The following TMEM38B variants were observed in gnomAD, a reference collection of about 807,000 sequenced individuals.
TMEM38B encodes the protein trimeric intracellular cation channel type B.
TMEM38B carries 24 observed loss-of-function variants against 28.7 expected under a neutral mutation model. The ratio of observed to expected loss-of-function variants is 0.84; its 90% CI spans 0.61 to 1.18. The LOEUF (loss-of-function observed/expected upper bound fraction) is 1.18, where lower values mean the gene tolerates loss of function less well. Among genes scored for constraint, TMEM38B ranks in the 50% most tolerant of loss-of-function variants. TMEM38B has a pLI of 0.00. For missense variants in TMEM38B, 380 were observed against 350.9 expected (o/e 1.08, Z -0.66); for synonymous variants, 131 against 127.7 (o/e 1.03, Z -0.17).
intron 2 of TMEM38B, among the ~76,000 whole-genome samples, chr9:105,711,778 C>T (rs1389548978): frequency 7.9e-5 from 12 of 151,416 alleles, no homozygotes; most frequent in African/African-American, 2.7e-4. Context: ...TGTGATTGCA[C>T]CACTGCACTC....
Position 105,722,591 on chromosome 9 carries a change from C to G in TMEM38B, c.512C>G (p.Pro171Arg). 1 of 1,613,524 alleles carries G rather than the reference C, an allele frequency of 6.2e-7. No individual in the cohort carries two copies. The highest frequency in any genetic ancestry group is 8.5e-7 in the Non-Finnish European group (1 of 1,179,724). Residue 171 changes from proline (P) to arginine (R), a missense_variant, in exon 4 of 6, where the codon CCA (proline) becomes CGA (arginine). Transcript: ENST00000374692. Reference protein sequence around the residue: ...FERLVKGDWKPEGDEWLKMSY... With the variant: ...FERLVKGDWKREGDEWLKMSY... ...AGGTTGGTAAAAGGAGATTGGAAAC[C>G]AGAAGGTGATGAATGGCTGAAGATG... is the stretch of plus-strand genomic sequence containing the variant.
intron 5 of TMEM38B, among the ~76,000 whole-genome samples, chr9:105,762,854 A>G (rs1166405444): frequency 6.8e-6 from 1 of 147,788 alleles, no homozygotes. Flanking sequence ...CAATGGTTGA[A>G]CTAGTTTACA....
At chr9:105,753,356 CAT>C (rs1214246962) in intron 5 of TMEM38B, among the ~76,000 whole-genome samples, 1 of 152,078 alleles carries the variant, frequency 6.6e-6, no homozygotes, top group Admixed American at 6.6e-5. Context: ...CCCCAAGACA[CAT>C]AATCATCAGA....
At chr9:105,707,852 G>A (rs1192512939) in intron 2 of TMEM38B, among the ~76,000 whole-genome samples, 3 of 152,146 alleles carry the variant, frequency 2.0e-5, no homozygotes, top group Non-Finnish European at 4.4e-5. Flanking sequence ...ATCTCTTAAA[G>A]TGTAGTCTTC....
At chr9:105,718,824 T>C (rs1325529490) in intron 2 of TMEM38B, among the ~76,000 whole-genome samples, 1 of 152,238 alleles carries the variant, frequency 6.6e-6, no homozygotes, top group African/African-American at 2.4e-5. Flanking sequence ...CAATTACTTA[T>C]ATATGGCACA....
intron 1 of TMEM38B, among the ~76,000 whole-genome samples, chr9:105,704,345 C>T (rs563368083): frequency 2.0e-4 from 30 of 151,936 alleles, no homozygotes; most frequent in African/African-American, 7.0e-4. Flanking sequence ...TGCTGTGAGC[C>T]GAGATCACTC....
chr9:105,766,324 A>G (rs997680612), intron 5 of TMEM38B, among the ~76,000 whole-genome samples: 1 of 152,196 alleles, frequency 6.6e-6, no homozygotes, highest in South Asian at 2.1e-4. Flanking sequence ...ATGAAGTGAT[A>G]TCGCATTATA....
At chr9:105,771,227 A>G (rs888913292) in intron 5 of TMEM38B, among the ~76,000 whole-genome samples, 20 of 152,188 alleles carry the variant, frequency 1.3e-4, no homozygotes, top group African/African-American at 4.3e-4. Context: ...ATAAGGAGAC[A>G]GTTTTATATT....
intron 2 of TMEM38B, among the ~76,000 whole-genome samples, chr9:105,719,235 G>A (rs576870322): frequency 5.9e-5 from 9 of 152,058 alleles, no homozygotes; most frequent in Non-Finnish European, 1.0e-4. Flanking sequence ...TTATTCTTTC[G>A]TTATTTTTTC....
At chr9:105,759,513 T>G in intron 5 of TMEM38B, 1 of 1,581,520 alleles carries the variant, frequency 6.3e-7, no homozygotes, top group Admixed American at 1.7e-5. Flanking sequence ...GAGGAAGCTG[T>G]CATAATTTAA....
chr9:105,755,383 G>GT (rs1265807468), intron 5 of TMEM38B, among the ~76,000 whole-genome samples: 1 of 152,140 alleles, frequency 6.6e-6, no homozygotes, highest in Non-Finnish European at 1.5e-5. Context: ...CTGTGCAGCA[G>GT]TCCATCATGA....
intron 4 of TMEM38B, among the ~76,000 whole-genome samples, chr9:105,730,539 GT>G (rs1204152922): frequency 2.0e-5 from 3 of 152,064 alleles, no homozygotes; most frequent in Non-Finnish European, 4.4e-5. Context: ...CTCTTTATTC[GT>G]TGTTGCCAGG....
chr9:105,755,971 C>T (rs1288388873), intron 5 of TMEM38B, among the ~76,000 whole-genome samples: 1 of 152,118 alleles, frequency 6.6e-6, no homozygotes, highest in Non-Finnish European at 1.5e-5. Context: ...TGGATCATGC[C>T]TGTAATCCTA....
chr9:105,748,932 T>C lies in TMEM38B; in HGVS notation c.660+742T>C, dbSNP rs189827701. 1,802 of 443,574 alleles carry C rather than the reference T, an allele frequency of 4.1e-3. 6 individuals are homozygous for C. Among genetic ancestry groups the C allele is most frequent in the Admixed American group, 6.0e-3 (139 of 23,138 alleles). The allele number at this position is 443,574 out of a possible 1,614,324, so 27.5% of individuals were successfully genotyped here. A position where few individuals can be genotyped will look rare whatever the true frequency, so the allele number is the denominator to read the frequency against. The stretch of plus-strand genomic sequence containing the variant: ...AAGATTATTATTTAAGTCTAGAAAA[T>C]TTTATGGCCACCTCTGTTTTAGACT... On this transcript the variant is annotated intron_variant, in intron 5 of 5. Transcript: ENST00000374692.
rs189875220 is a variant in TMEM38B, at chr9:105,703,381, C to A, written c.113-2216C>A. On this transcript the variant is annotated intron_variant, in intron 1 of 5. Coordinates refer to ENST00000374692, the MANE Select transcript of TMEM38B (RefSeq NM_018112.3). ...GTCTCTACAAAGGACATGAACTCAT[C>A]ATTTTTTATGGCTGCATAGTATTCC... Among the ~76,000 whole-genome samples the A allele has an allele frequency of 1.1e-3, 171 of 152,304 alleles. 1 individual carries two copies. Among genetic ancestry groups the A allele is most frequent in the African/African-American group, 3.9e-3 (161 of 41,564 alleles).
At chr9:105,704,917 C>CT (rs1234035864) in intron 1 of TMEM38B, among the ~76,000 whole-genome samples, 1 of 149,970 alleles carries the variant, frequency 6.7e-6, no homozygotes, top group Non-Finnish European at 1.5e-5. Flanking sequence ...GAGCAAGACT[C>CT]TATCTCAAAG....
intron 4 of TMEM38B, among the ~76,000 whole-genome samples, chr9:105,727,772 G>C (rs1192114061): frequency 6.6e-6 from 1 of 152,144 alleles, no homozygotes; most frequent in East Asian, 1.9e-4. Context: ...GTGGGGACTG[G>C]TGGGAGGTGA....
chr9:105,743,820 A>C (rs1360912013), intron 4 of TMEM38B, among the ~76,000 whole-genome samples: 1 of 152,180 alleles, frequency 6.6e-6, no homozygotes, highest in African/African-American at 2.4e-5. Context: ...GCTTTTTAGC[A>C]CTGTAAGGTT....
At chr9:105,724,823 C>A (rs1226728106) in intron 4 of TMEM38B, among the ~76,000 whole-genome samples, 3 of 152,112 alleles carry the variant, frequency 2.0e-5, no homozygotes, top group African/African-American at 7.2e-5. Context: ...AGATTTTTCT[C>A]ATTTTGAGTA....
Sources: allele counts gnomAD v4.1 joint callset (sites outside exome capture counted in the v4.1 genomes callset), GRCh38; gene constraint gnomAD v4.1.1; transcripts MANE v1.5; gene names NCBI Gene and HGNC (gene_info 2026-07-23, HGNC 2026-07-21).